Variants in AGO2 observed in about 807,000 individuals in gnomAD.
The protein encoded by AGO2 is argonaute RISC catalytic component 2.
In AGO2, 5 loss-of-function variants were observed where a neutral mutation model predicts 102.3. The ratio of observed to expected loss-of-function variants is 0.05; its 90% CI spans 0.03 to 0.10. The LOEUF (loss-of-function observed/expected upper bound fraction) is 0.10. Ranked by LOEUF, AGO2 falls within the 10% of genes least tolerant of loss-of-function variation. AGO2 has a pLI of 1.00. For missense variants in AGO2, 541 were observed against 1,183.7 expected (o/e 0.46, Z 7.97); for synonymous variants, 449 against 473.1 (o/e 0.95, Z 0.66).
chr8:140,614,521 C>T (rs375695635), intron 1 of AGO2, among the ~76,000 whole-genome samples: 1 of 152,224 alleles, frequency 6.6e-6, no homozygotes, highest in East Asian at 1.9e-4. Context: ...AAGTCCTGCA[C>T]GTTTGCATAA....
chr8:140,539,481 T>C lies in AGO2; in HGVS notation c.2035-27A>G. 1 of 1,595,964 alleles carries C rather than the reference T, an allele frequency of 6.3e-7. No individual in the cohort carries two copies. The highest frequency in any genetic ancestry group is 8.5e-7 in the Non-Finnish European group (1 of 1,169,888). On this transcript the variant is annotated intron_variant, in intron 15 of 18. Transcript: ENST00000220592. The surrounding 1 kb of genome is among the most constrained non-coding windows in gnomAD (Gnocchi z 4.7). ...TAGGGGTACGGGAGGGAGGAGGTTG[T>C]GCTTAAAGATGGTAGTGCATGTGAG...
chr8:140,570,119 C>T (rs1280631183), intron 3 of AGO2, among the ~76,000 whole-genome samples: 1 of 152,258 alleles, frequency 6.6e-6, no homozygotes, highest in African/African-American at 2.4e-5. Context: ...CTACAGAACC[C>T]CCAAACCAGT....
At chr8:140,609,239 A>G (rs2074043674) in intron 1 of AGO2, among the ~76,000 whole-genome samples, 1 of 152,250 alleles carries the variant, frequency 6.6e-6, no homozygotes, top group African/African-American at 2.4e-5. Flanking sequence ...AAGTTCCATA[A>G]GAAACCCGTT....
At chr8:140,634,951 G>A (rs2074386198) in intron 1 of AGO2, among the ~76,000 whole-genome samples, 1 of 152,026 alleles carries the variant, frequency 6.6e-6, no homozygotes, top group Non-Finnish European at 1.5e-5. Context: ...GCTGGGGTCG[G>A]GACCGGCGCA....
rs925685405 is a variant in AGO2 at position 140,522,716 on chromosome 8, G to A, written c.*9328C>T. 4 of 103,024 alleles carry A rather than the reference G, an allele frequency of 3.9e-5. No homozygotes were observed. The highest frequency in any genetic ancestry group is 1.2e-4 in the African/African-American group (4 of 32,562). The allele number at this position is 103,024 out of a possible 1,614,324, so 6.4% of individuals were successfully genotyped here. On this transcript the variant is annotated 3_prime_UTR_variant, in exon 19 of 19. Transcript: ENST00000220592. ...AGAGACAGAGAGAGGGAGGGGGAGG[G>A]GGGAGAGGGGGAGAGAGAGAGAGAG...
intron 10 of AGO2, among the ~76,000 whole-genome samples, chr8:140,552,740 G>GCGCACA (rs111262864): frequency 7.6e-6 from 1 of 130,886 alleles, no homozygotes; most frequent in African/African-American, 3.0e-5. Context: ...GCGCGCGCGC[G>GCGCACA]CACACACACA....
At chr8:140,551,744 G>GT in intron 10 of AGO2, among the ~76,000 whole-genome samples, 1 of 132,242 alleles carries the variant, frequency 7.6e-6, no homozygotes, top group Non-Finnish European at 1.7e-5. Context: ...GGTGGATAAG[G>GT]TAGGTGGGTG....
At position 140,530,551 on chromosome 8, in the gene AGO2, CTGT is replaced by C. The variant is rs2072575258; in HGVS notation, c.*1490_*1492del. 1 of 152,280 alleles carries C rather than the reference CTGT, an allele frequency of 6.6e-6. No individual in the cohort carries two copies. Among genetic ancestry groups the C allele is most frequent in the African/African-American group, 2.4e-5 (1 of 41,472 alleles). The allele number at this position is 152,280 out of a possible 1,614,324, so 9.4% of individuals were successfully genotyped here. ...GCCCACTCAGCACAAACAGAGTTGT[CTGT>C]TGTTAGCCTTCAAAATCGTCCGTGG... On this transcript the variant is annotated 3_prime_UTR_variant, in exon 19 of 19. Coordinates refer to ENST00000220592, the MANE Select transcript of AGO2 (RefSeq NM_012154.5).
intron 1 of AGO2, among the ~76,000 whole-genome samples, chr8:140,627,806 G>A (rs2074295162): frequency 6.6e-6 from 1 of 152,130 alleles, no homozygotes; most frequent in Admixed American, 6.5e-5. Context: ...CAAGCATGGC[G>A]GTCACTTGTC....
Position 140,530,666 on chromosome 8 carries a change from C to T in AGO2, c.*1378G>A, listed in dbSNP as rs1432428157. The T allele has an allele frequency of 6.6e-6, 1 of 152,314 alleles. No individual in the cohort carries two copies. The highest frequency in any genetic ancestry group is 1.5e-5 in the Non-Finnish European group (1 of 68,086). 9.4% of individuals were successfully genotyped at this position (152,314 alleles called of 1,614,324 possible). A position where few individuals can be genotyped will look rare whatever the true frequency, so the allele number is the denominator to read the frequency against. On this transcript the variant is annotated 3_prime_UTR_variant, in exon 19 of 19. Coordinates refer to ENST00000220592, the MANE Select transcript of AGO2 (RefSeq NM_012154.5). ...ACCCCAGAAGAACGGCCCATGCCCTCTGCTGGCCCTGCTATCCTTGGGCCT... is the reference window on the plus strand; with the variant it reads ...ACCCCAGAAGAACGGCCCATGCCCTTTGCTGGCCCTGCTATCCTTGGGCCT...
intron 1 of AGO2, among the ~76,000 whole-genome samples, chr8:140,604,791 C>T (rs1426538460): frequency 6.6e-6 from 1 of 151,230 alleles, no homozygotes; most frequent in Non-Finnish European, 1.5e-5. Context: ...CGCGCCACTG[C>T]ACTCCAGCCT....
chr8:140,631,172 A>G lies in AGO2; in HGVS notation c.22+4313T>C, dbSNP rs558054808. Among the ~76,000 whole-genome samples, 4 of 151,248 alleles carry G rather than the reference A, an allele frequency of 2.6e-5. No individual in the cohort carries two copies. In the East Asian group the frequency reaches 8.2e-4, roughly 31 times the overall value. On this transcript the variant is annotated intron_variant, in intron 1 of 18. Transcript: ENST00000220592. ...GCCCAAAAAACAAAAATTTTGAGCAATGGGGCTCTTTCTAAAACCATTAAA... is the reference window on the plus strand; with the variant it reads ...GCCCAAAAAACAAAAATTTTGAGCAGTGGGGCTCTTTCTAAAACCATTAAA...
chr8:140,526,001 G>A lies in AGO2; in HGVS notation c.*6043C>T, dbSNP rs1465115853. 1 of 152,144 alleles carries A rather than the reference G, an allele frequency of 6.6e-6. No individual in the cohort carries two copies. Among genetic ancestry groups the A allele is most frequent in the Non-Finnish European group, 1.5e-5 (1 of 68,028 alleles). 9.4% of individuals were successfully genotyped at this position (152,144 alleles called of 1,614,324 possible). A position where few individuals can be genotyped will look rare whatever the true frequency, so the allele number is the denominator to read the frequency against. On this transcript the variant is annotated 3_prime_UTR_variant, in exon 19 of 19. Transcript: ENST00000220592. This position sits in a 1 kb window ranked among gnomAD's most constrained non-coding sequence, Gnocchi z 5.2. ...GGGCCCTGTGTTCTTTTCAAACAAA[G>A]GGCCCTGGATTTGAACAGAATGCTT...
At position 140,567,177 on chromosome 8, in the gene AGO2, T is replaced by C. The variant is rs559138010; in HGVS notation, c.337-4543A>G. Among the ~76,000 whole-genome samples the C allele has an allele frequency of 6.6e-6, 1 of 152,336 alleles. No homozygotes were observed. The highest frequency in any genetic ancestry group is 2.1e-4 in the South Asian group (1 of 4,828). Reference sequence around the variant, plus strand: ...AAATGTATTTCAGTCCAGCCTCCGCTTGGCCTGCAGAGAAAGGACAGCAGA... The same window carrying C: ...AAATGTATTTCAGTCCAGCCTCCGCCTGGCCTGCAGAGAAAGGACAGCAGA... On this transcript the variant is annotated intron_variant, in intron 3 of 18. Coordinates refer to ENST00000220592, the MANE Select transcript of AGO2 (RefSeq NM_012154.5). The surrounding 1 kb of genome is among the most constrained non-coding windows in gnomAD (Gnocchi z 5.0).
intron 1 of AGO2, among the ~76,000 whole-genome samples, chr8:140,613,584 T>C (rs1043174816): frequency 3.3e-5 from 5 of 152,168 alleles, no homozygotes; most frequent in South Asian, 2.1e-4. Context: ...GATTGTCATC[T>C]AGAGTATTTT....
At chr8:140,606,232 G>C (rs2073996811) in intron 1 of AGO2, among the ~76,000 whole-genome samples, 1 of 152,184 alleles carries the variant, frequency 6.6e-6, no homozygotes. Flanking sequence ...TGCCTAAGGA[G>C]GGGACCCAGG....
rs1332492027 is a variant in AGO2 at position 140,604,894 on chromosome 8, T to C, written c.23-19583A>G. Among the ~76,000 whole-genome samples, 5 of 152,060 alleles carry C rather than the reference T, an allele frequency of 3.3e-5. No individual in the cohort carries two copies. In the East Asian group the frequency reaches 5.8e-4, roughly 18 times the overall value. The stretch of plus-strand genomic sequence containing the variant: ...GACTGTATTTGGTGCCATCAAGGAA[T>C]GGCCATTTATCATGGGTCATGGAAC... On this transcript the variant is annotated intron_variant, in intron 1 of 18. Coordinates refer to ENST00000220592, the MANE Select transcript of AGO2 (RefSeq NM_012154.5).
chr8:140,615,106 G>C (rs935702509), intron 1 of AGO2, among the ~76,000 whole-genome samples: 2 of 152,102 alleles, frequency 1.3e-5, no homozygotes, highest in Admixed American at 6.5e-5. Flanking sequence ...ACAAAAGCAG[G>C]CTGGTGCAGT....
intron 17 of AGO2, among the ~76,000 whole-genome samples, chr8:140,533,572 C>T (rs2072640749): frequency 1.3e-5 from 2 of 151,852 alleles, no homozygotes; most frequent in Admixed American, 6.6e-5. Flanking sequence ...TTTGGGAGGC[C>T]GAGGCGGGCA....
Sources: gnomAD v4.1 joint callset for allele counts (sites outside exome capture counted in the v4.1 genomes callset) on GRCh38, gnomAD v4.1.1 for gene constraint, Gnocchi (gnomAD v3.1) non-coding constraint, MANE v1.5 for transcripts, NCBI Gene and HGNC (gene_info 2026-07-23, HGNC 2026-07-21) for gene names.